The following TMPRSS15 variants were observed in gnomAD, a reference collection of about 807,000 sequenced individuals.
TMPRSS15 encodes enteropeptidase.
Under a neutral mutation model 125.3 loss-of-function variants are expected in TMPRSS15, and 128 were observed. That is an observed-to-expected ratio of 1.02 (90% CI 0.89 to 1.18). The LOEUF (loss-of-function observed/expected upper bound fraction) is 1.18. Ranked by LOEUF, TMPRSS15 falls within the 50% of genes most tolerant of loss-of-function variation. The probability of loss-of-function intolerance (pLI) is 0.00; values close to 1 mark genes in which losing one functional copy is unlikely to be tolerated. For synonymous variants in TMPRSS15, 446 were observed against 423.2 expected (o/e 1.05, Z -0.66); for missense variants, 1,283 against 1,212.7 (o/e 1.06, Z -0.86).
intron 6 of TMPRSS15, among the ~76,000 whole-genome samples, chr21:18,369,301 C>A (rs1380201525): frequency 6.6e-6 from 1 of 152,162 alleles, no homozygotes; most frequent in Non-Finnish European, 1.5e-5. Context: ...CAAACATGAT[C>A]TATGCTCACC....
intron 3 of TMPRSS15, among the ~76,000 whole-genome samples, chr21:18,396,657 T>G (rs1243638391): frequency 6.6e-6 from 1 of 150,946 alleles, no homozygotes; most frequent in South Asian, 2.1e-4. Context: ...ACCTGTAGTC[T>G]CAGCTACTCG....
Position 18,291,577 on chromosome 21 carries a change from C to A in TMPRSS15, c.2486+2693G>T, listed in dbSNP as rs374961054. The stretch of plus-strand genomic sequence containing the variant: ...AATAACTTGCTTGATCTGAGTTATT[C>A]TTTTTATTAGGAAATTAAGCTTTCC... On this transcript the variant is annotated intron_variant, in intron 21 of 24. Coordinates refer to ENST00000284885, the MANE Select transcript of TMPRSS15 (RefSeq NM_002772.3). Among the ~76,000 whole-genome samples the A allele has an allele frequency of 2.8e-4, 42 of 152,262 alleles. No individual in the cohort carries two copies. The South Asian group carries it at 8.3e-3, about 30-fold the overall frequency.
At chr21:18,438,836 A>T (rs999790189) in intron 1 of TMPRSS15, among the ~76,000 whole-genome samples, 1 of 152,226 alleles carries the variant, frequency 6.6e-6, no homozygotes, top group African/African-American at 2.4e-5. Flanking sequence ...ACATGACTGT[A>T]TATCAATTTA....
At chr21:18,350,472 G>C (rs1300982024) in intron 10 of TMPRSS15, among the ~76,000 whole-genome samples, 1 of 151,966 alleles carries the variant, frequency 6.6e-6, no homozygotes, top group East Asian at 1.9e-4. Context: ...CTCTAGTTAG[G>C]CAATGGCCTT....
At chr21:18,320,812 A>G (rs921567909) in intron 16 of TMPRSS15, among the ~76,000 whole-genome samples, 1 of 152,254 alleles carries the variant, frequency 6.6e-6, no homozygotes, top group African/African-American at 2.4e-5. Flanking sequence ...GTTCAGCTTC[A>G]TTAAGCAGTC....
At chr21:18,485,196 CA>C (rs1979056036) in intron 1 of TMPRSS15, among the ~76,000 whole-genome samples, 1 of 151,844 alleles carries the variant, frequency 6.6e-6, no homozygotes, top group African/African-American at 2.4e-5. Flanking sequence ...TTTACTTTTA[CA>C]TATTTGCTTG....
chr21:18,283,924 T>G (rs574250144), intron 21 of TMPRSS15, among the ~76,000 whole-genome samples: 6 of 152,330 alleles, frequency 3.9e-5, no homozygotes, highest in South Asian at 2.1e-4. Flanking sequence ...TTCATTATTT[T>G]AAGGACTTGA....
chr21:18,273,958 G>A (rs2074590537), intron 24 of TMPRSS15, among the ~76,000 whole-genome samples: 1 of 152,152 alleles, frequency 6.6e-6, no homozygotes, highest in Non-Finnish European at 1.5e-5. Flanking sequence ...GGCTCGTCAT[G>A]TATTGATAGT....
At chr21:18,290,416 C>T (rs749609916) in intron 21 of TMPRSS15, among the ~76,000 whole-genome samples, 1 of 151,664 alleles carries the variant, frequency 6.6e-6, no homozygotes, top group Non-Finnish European at 1.5e-5. Context: ...CAAGATTAAC[C>T]TGGAACATCT....
At chr21:18,324,639 C>T (rs565219020) in intron 16 of TMPRSS15, among the ~76,000 whole-genome samples, 123 of 152,196 alleles carry the variant, frequency 8.1e-4, no homozygotes, top group African/African-American at 2.9e-3. Context: ...CATAATTTTA[C>T]ATATAAAAGT....
chr21:18,284,433 C>T (rs1371561717), intron 21 of TMPRSS15, among the ~76,000 whole-genome samples: 1 of 152,196 alleles, frequency 6.6e-6, no homozygotes, highest in African/African-American at 2.4e-5. Context: ...TGGAGTGGCA[C>T]TCAACAATCT....
At chr21:18,380,773 C>A (rs755851042) in intron 4 of TMPRSS15, among the ~76,000 whole-genome samples, 1 of 152,102 alleles carries the variant, frequency 6.6e-6, no homozygotes, top group Admixed American at 6.6e-5. Context: ...CCAGAGTCTG[C>A]ATATTCTCTC....
intron 18 of TMPRSS15, among the ~76,000 whole-genome samples, chr21:18,310,937 T>C (rs2207384): frequency 1.2e-3 from 62 of 51,320 alleles, no homozygotes; most frequent in African/African-American, 1.1e-3. Flanking sequence ...CTGATTCTTT[T>C]TTTTTTTTTT....
chr21:18,407,115 C>T (rs558197181), upstream of TMPRSS15, among the ~76,000 whole-genome samples: 91 of 151,928 alleles, frequency 6.0e-4, no homozygotes, highest in Non-Finnish European at 6.2e-4. Context: ...AGAGTGTACC[C>T]GGAAACGATA....
At chr21:18,321,147 G>GC (rs1569006393) in intron 16 of TMPRSS15, among the ~76,000 whole-genome samples, 1 of 151,868 alleles carries the variant, frequency 6.6e-6, no homozygotes, top group Non-Finnish European at 1.5e-5. Context: ...GGAATAAGGG[G>GC]ACATTTATAG....
chr21:18,471,962 T>C (rs1978788724), intron 1 of TMPRSS15, among the ~76,000 whole-genome samples: 1 of 152,102 alleles, frequency 6.6e-6, no homozygotes, highest in Non-Finnish European at 1.5e-5. Flanking sequence ...ACATGCCTTT[T>C]TGTGTAACAG....
intron 24 of TMPRSS15, among the ~76,000 whole-genome samples, chr21:18,271,826 G>GTGTT (rs149683483): frequency 0.028 from 4,252 of 152,130 alleles, 183 homozygotes; most frequent in African/African-American, 0.095. Context: ...AGAACATGCA[G>GTGTT]TGTTTGGTTT....
At chr21:18,352,752 C>T in intron 10 of TMPRSS15, 151 bp downstream of exon 10, 2 of 772,748 alleles carry the variant, frequency 2.6e-6, no homozygotes, top group Non-Finnish European at 4.3e-6. Flanking sequence ...GTTTGATTAC[C>T]ATTTTTCATT....
intron 8 of TMPRSS15, among the ~76,000 whole-genome samples, chr21:18,357,974 A>T (rs2075641985): frequency 6.6e-6 from 1 of 151,838 alleles, no homozygotes. Flanking sequence ...AAAATAAATG[A>T]TTATTCTGAA....
Sources: gnomAD v4.1 joint callset for allele counts (sites outside exome capture counted in the v4.1 genomes callset) on GRCh38, gnomAD v4.1.1 for gene constraint, MANE v1.5 for transcripts, NCBI Gene and HGNC (gene_info 2026-07-23, HGNC 2026-07-21) for gene names.